Variants in KIF26B observed in about 807,000 individuals in gnomAD.
KIF26B encodes the protein kinesin family member 26B.
A neutral mutation model predicts 151.2 loss-of-function variants in KIF26B; 63 were observed. The observed-to-expected ratio is 0.42, with a 90% CI of 0.34 to 0.51. The LOEUF (loss-of-function observed/expected upper bound fraction) is 0.51. Among genes scored for constraint, KIF26B ranks in the 20% least tolerant of loss-of-function variants. KIF26B has a pLI of 0.07. For missense variants in KIF26B, 2,813 were observed against 2,913.6 expected, an observed-to-expected ratio of 0.97 and a Z score of 0.79; for synonymous variants, 1,357 against 1,262.1, an observed-to-expected ratio of 1.08 and a Z score of -1.59.
chr1:245,540,908 G>C lies in KIF26B; in HGVS notation c.1308G>C (p.Leu436=), dbSNP rs970204636. Residue 436 remains leucine, a synonymous_variant, in exon 5 of 15, where the codon CTG becomes CTC. Transcript: ENST00000407071. The surrounding 1 kb of genome is among the most constrained non-coding windows in gnomAD (Gnocchi z 4.6). ...CTCCCCCAGCCCCACCCTGCCTGCTGAGGGCTGTCAACAAGGTGAAGGACA... is the reference window on the plus strand; with the variant it reads ...CTCCCCCAGCCCCACCCTGCCTGCTCAGGGCTGTCAACAAGGTGAAGGACA... ...TSPPPAPPCL[L]RAVNKVKDTP... is the part of the protein sequence containing the mutation. The C allele has an allele frequency of 1.2e-6, 2 of 1,613,924 alleles. No homozygotes were observed. The highest frequency in any genetic ancestry group is 1.7e-6 in the Non-Finnish European group (2 of 1,179,848).
intron 3 of KIF26B, among the ~76,000 whole-genome samples, chr1:245,374,823 T>C (rs2103014786): frequency 6.6e-6 from 1 of 152,292 alleles, no homozygotes; most frequent in Middle Eastern, 3.4e-3. Flanking sequence ...GCTAGAGTGT[T>C]CAGGGTGAAA....
chr1:245,488,989 T>G lies in KIF26B; in HGVS notation c.1167-51778T>G, dbSNP rs1572088376. On this transcript the variant is annotated intron_variant, in intron 4 of 14. Coordinates refer to ENST00000407071, the MANE Select transcript of KIF26B (RefSeq NM_018012.4). This position sits in a 1 kb window ranked among gnomAD's most constrained non-coding sequence, Gnocchi z 4.6. The stretch of plus-strand genomic sequence containing the variant: ...TCCTGCACCCTCCATCTCAGAGAAC[T>G]CTCTAGGCTCCGGTACTCTAGAATC... Among the ~76,000 whole-genome samples, 1 of 152,264 alleles carries G rather than the reference T, an allele frequency of 6.6e-6. No individual in the cohort carries two copies. Among genetic ancestry groups the G allele is most frequent in the East Asian group, 1.9e-4 (1 of 5,174 alleles).
intron 9 of KIF26B, among the ~76,000 whole-genome samples, chr1:245,636,564 T>C (rs1331965254): frequency 6.6e-6 from 1 of 152,060 alleles, no homozygotes. Context: ...ACTATAGTTC[T>C]TCTACTGTAC....
chr1:245,171,459 G>A (rs1299429268), intron 2 of KIF26B, among the ~76,000 whole-genome samples: 1 of 152,168 alleles, frequency 6.6e-6, no homozygotes, highest in Admixed American at 6.5e-5. Context: ...CAGAAGAATT[G>A]CTTGAACCCG....
intron 2 of KIF26B, among the ~76,000 whole-genome samples, chr1:245,219,127 C>CTTTTTTTTTTTTTT (rs1166578525): frequency 1.2e-4 from 7 of 56,188 alleles, no homozygotes; most frequent in African/African-American, 3.9e-4. Flanking sequence ...ATACCTACCT[C>CTTTTTTTTTTTTTT]TTTTTTTTTT....
intron 2 of KIF26B, among the ~76,000 whole-genome samples, chr1:245,222,863 C>T (rs925237085): frequency 6.6e-6 from 1 of 152,146 alleles, no homozygotes; most frequent in African/African-American, 2.4e-5. Flanking sequence ...CCTTTCTTAA[C>T]CCAATGTTTT....
At position 245,702,736 on chromosome 1, in the gene KIF26B, C is replaced by T. The variant is rs758046398; in HGVS notation, c.*130C>T. ...ATGAAGGTTGGTGGCAAGTCTGGAG[C>T]GGGCGTTGAGCGGAAGGCGAGTTTT... On this transcript the variant is annotated 3_prime_UTR_variant, in exon 15 of 15. Transcript: ENST00000407071. The surrounding 1 kb of genome is among the most constrained non-coding windows in gnomAD (Gnocchi z 4.1). The T allele has an allele frequency of 1.7e-5, 18 of 1,067,518 alleles. No individual in the cohort carries two copies. The highest frequency in any genetic ancestry group is 4.9e-5 in the East Asian group (2 of 40,854). The allele number at this position is 1,067,518 out of a possible 1,614,324, so 66.1% of individuals were successfully genotyped here.
intron 5 of KIF26B, among the ~76,000 whole-genome samples, chr1:245,558,791 CTG>C (rs1662098532): frequency 6.6e-6 from 1 of 152,222 alleles, no homozygotes; most frequent in South Asian, 2.1e-4. Flanking sequence ...ATACATGACA[CTG>C]TTTCACTCAG....
intron 2 of KIF26B, among the ~76,000 whole-genome samples, chr1:245,321,114 G>A (rs560656184): frequency 1.3e-5 from 2 of 152,260 alleles, no homozygotes; most frequent in South Asian, 2.1e-4. Flanking sequence ...ACACAGAGTC[G>A]TTTCACTACC....
intron 12 of KIF26B, among the ~76,000 whole-genome samples, chr1:245,692,329 G>A (rs1453723653): frequency 6.6e-6 from 1 of 152,188 alleles, no homozygotes; most frequent in Non-Finnish European, 1.5e-5. Context: ...TGAACTGAGT[G>A]CATTCCCAGA....
At position 245,368,766 on chromosome 1, in the gene KIF26B, A is replaced by G. The variant is rs1673023904; in HGVS notation, c.999+1399A>G. 2.0e-5 allele frequency among the ~76,000 whole-genome samples: 3 copies of G among 152,044 alleles called. 1 individual carries two copies. In the South Asian group the frequency reaches 6.2e-4, roughly 32 times the overall value. On this transcript the variant is annotated intron_variant, in intron 3 of 14. Transcript: ENST00000407071. Reference sequence around the variant, plus strand: ...TGAGGGAAGATAGAGTGTGTGGAGGATCTCACAGGAGGATTTGGGGCCCAG... The same window carrying G: ...TGAGGGAAGATAGAGTGTGTGGAGGGTCTCACAGGAGGATTTGGGGCCCAG...
At chr1:245,285,762 T>C (rs903051012) in intron 2 of KIF26B, among the ~76,000 whole-genome samples, 1 of 151,476 alleles carries the variant, frequency 6.6e-6, no homozygotes, top group African/African-American at 2.4e-5. Context: ...GGTGCCCCAC[T>C]GTGGGTTGGG....
chr1:245,660,340 T>TG (rs2044121992), intron 10 of KIF26B, among the ~76,000 whole-genome samples: 2 of 17,556 alleles, frequency 1.1e-4, no homozygotes, highest in African/African-American at 6.6e-4. Context: ...TTGCTATTTT[T>TG]TGGGGGGGCG....
At chr1:245,210,746 G>C (rs929701903) in intron 2 of KIF26B, among the ~76,000 whole-genome samples, 1 of 152,084 alleles carries the variant, frequency 6.6e-6, no homozygotes, top group Non-Finnish European at 1.5e-5. Context: ...TGTGTGGGGA[G>C]ATCAGCCAGT....
chr1:245,343,078 T>C (rs1291417680), intron 2 of KIF26B, among the ~76,000 whole-genome samples: 1 of 79,382 alleles, frequency 1.3e-5, no homozygotes, highest in Non-Finnish European at 2.3e-5. Flanking sequence ...AGAGCGAGAC[T>C]CCATCTCAAA....
chr1:245,361,327 C>T (rs1362077222), intron 2 of KIF26B, among the ~76,000 whole-genome samples: 1 of 152,200 alleles, frequency 6.6e-6, no homozygotes, highest in African/African-American at 2.4e-5. Flanking sequence ...TGCTACATCC[C>T]AGGGTAATTT....
At chr1:245,228,686 C>T (rs957742218) in intron 2 of KIF26B, among the ~76,000 whole-genome samples, 2 of 152,050 alleles carry the variant, frequency 1.3e-5, no homozygotes, top group African/African-American at 4.8e-5. Flanking sequence ...ATAGGAGATA[C>T]ACTTAGTAAT....
At chr1:245,570,202 C>T (rs765656400) in intron 5 of KIF26B, among the ~76,000 whole-genome samples, 7 of 152,016 alleles carry the variant, frequency 4.6e-5, no homozygotes, top group Non-Finnish European at 7.4e-5. Flanking sequence ...TCCCAAAGTG[C>T]TGGGATTACA....
intron 7 of KIF26B, among the ~76,000 whole-genome samples, chr1:245,608,469 C>T (rs2043480974): frequency 6.6e-6 from 1 of 152,226 alleles, no homozygotes; most frequent in South Asian, 2.1e-4. Flanking sequence ...GCACTTCCGT[C>T]CTCCCCAGCC....
Sources: allele counts gnomAD v4.1 joint callset (sites outside exome capture counted in the v4.1 genomes callset), GRCh38; gene constraint gnomAD v4.1.1; non-coding constraint Gnocchi (gnomAD v3.1); transcripts MANE v1.5; gene names NCBI Gene and HGNC (gene_info 2026-07-23, HGNC 2026-07-21).